SLC25A1: variants seen among roughly 807,000 people sequenced by gnomAD.
SLC25A1 encodes the protein solute carrier family 25 member 1.
In SLC25A1, 26 loss-of-function variants were observed where a neutral mutation model predicts 38.1. The observed-to-expected ratio is 0.68, with a 90% CI of 0.50 to 0.95. SLC25A1 has a LOEUF of 0.95. Among genes scored for constraint, SLC25A1 ranks in the 40% least tolerant of loss-of-function variants. The pLI, the probability that SLC25A1 is intolerant of heterozygous loss-of-function variation, is 0.00. For missense variants in SLC25A1, 378 were observed against 426.6 expected (o/e 0.89, Z 1.00); for synonymous variants, 211 against 183.2 (o/e 1.15, Z -1.23).
At chr22:19,177,505 TTTTAAAGACTTTA>T (rs2083979096) in intron 4 of SLC25A1, among the ~76,000 whole-genome samples, 1 of 152,230 alleles carries the variant, frequency 6.6e-6, no homozygotes, top group African/African-American at 2.4e-5. Context: ...TAAAAGTATT[TTTTAAAGACTTTA>T]AGGCTGCCTT....
Position 19,176,257 on chromosome 22 carries a change from A to C in SLC25A1, c.822-13T>G, listed in dbSNP as rs1386039617. On this transcript the variant is annotated splice_polypyrimidine_tract_variant and intron_variant, in intron 8 of 8. Coordinates refer to ENST00000215882, the MANE Select transcript of SLC25A1 (RefSeq NM_005984.5). ...GCCCTTGTAGAATCTGGGTGGGAGG[A>C]GGGGCGGGGAGAGGAAGGCAGGTCA... 7.1e-7 allele frequency: 1 copy of C among 1,416,008 alleles called. No homozygotes were observed. The highest frequency in any genetic ancestry group is 1.1e-5 in the South Asian group (1 of 87,142). 87.7% of individuals were successfully genotyped at this position (1,416,008 alleles called of 1,614,324 possible). A position where few individuals can be genotyped will look rare whatever the true frequency, so the allele number is the denominator to read the frequency against.
In SLC25A1 at chr22:19,176,112, C is replaced by T; in HGVS notation, c.*18G>A. On this transcript the variant is annotated 3_prime_UTR_variant, in exon 9 of 9. Transcript: ENST00000215882. ...CTCTGGCGGTGCCTGGGGCGGTCCC[C>T]TTGCGGCCTCTCTAGGCTTAGTCCG... 6.2e-7 allele frequency: 1 copy of T among 1,607,210 alleles called. No individual in the cohort carries two copies. The highest frequency in any genetic ancestry group is 8.5e-7 in the Non-Finnish European group (1 of 1,174,406).
chr22:19,176,960 G>A lies in SLC25A1; in HGVS notation c.527-10C>T, dbSNP rs1241606660. Reference sequence around the variant, plus strand: ...TACGTCCCCTTCAGCCCTGCGGGAAGGCAGGCACGGGGTTACCCTGCAGCC... The same window carrying A: ...TACGTCCCCTTCAGCCCTGCGGGAAAGCAGGCACGGGGTTACCCTGCAGCC... On this transcript the variant is annotated splice_polypyrimidine_tract_variant and intron_variant, in intron 5 of 8. Coordinates refer to ENST00000215882, the MANE Select transcript of SLC25A1 (RefSeq NM_005984.5). 2 of 1,613,046 alleles carry A rather than the reference G, an allele frequency of 1.2e-6. No individual in the cohort carries two copies. The highest frequency in any genetic ancestry group is 3.3e-5 in the Admixed American group (2 of 59,996).
Position 19,177,822 on chromosome 22 carries a change from G to A in SLC25A1, c.346C>T (p.Gln116Ter). The change falls in exon 4 of 9, where the codon CAG becomes TAG. Residue 116 changes from glutamine (Q) to a stop codon, truncating the protein, a stop_gained. Transcript: ENST00000215882. LOFTEE classifies it high-confidence loss of function. ...EFLSNHMRDA[Q>*]GRLDSTRGLL... ...CCACGCGTGCTGTCCAGCCGTCCCT[G>A]GGCATCCCGCATGTGGTTGCTGAGG... 6.2e-7 allele frequency: 1 copy of A among 1,610,802 alleles called. No individual in the cohort carries two copies. Among genetic ancestry groups the A allele is most frequent in the Non-Finnish European group, 8.5e-7 (1 of 1,179,220 alleles).
chr22:19,178,231 GC>G lies in SLC25A1; in HGVS notation c.103del (p.Ala35ArgfsTer15). On this transcript the variant is annotated frameshift_variant, in exon 2 of 9. Transcript: ENST00000215882. LOFTEE classifies it high-confidence loss of function. This position sits in a 1 kb window ranked among gnomAD's most constrained non-coding sequence, Gnocchi z 4.9. Reference sequence around the variant, plus strand: ...GGTGATGCAGATCTCGATGCCACCCGCCAGGCCGCCTGCAGGGACCGGGAAC... The same window carrying G: ...GGTGATGCAGATCTCGATGCCACCCGCAGGCCGCCTGCAGGGACCGGGAAC... ...PGKAILAGGL[A>X]GGIEICITFP... 1 of 1,547,072 alleles carries G rather than the reference GC, an allele frequency of 6.5e-7. No individual in the cohort carries two copies. The highest frequency in any genetic ancestry group is 8.7e-7 in the Non-Finnish European group (1 of 1,146,080).
Position 19,178,047 on chromosome 22 carries a change from G to A in SLC25A1, c.203-6C>T, listed in dbSNP as rs1555923201. 2 of 1,580,716 alleles carry A rather than the reference G, an allele frequency of 1.3e-6. No homozygotes were observed. The highest frequency in any genetic ancestry group is 8.6e-7 in the Non-Finnish European group (1 of 1,165,928). On this transcript the variant is annotated splice_region_variant and splice_polypyrimidine_tract_variant and intron_variant, in intron 2 of 8. Transcript: ENST00000215882. This position sits in a 1 kb window ranked among gnomAD's most constrained non-coding sequence, Gnocchi z 4.9. Reference sequence around the variant, plus strand: ...CGTCTGCCGCACGCAGTCCCCTGGGGGAGGGGGCGGTCAGGACCCCACGGC... The same window carrying A: ...CGTCTGCCGCACGCAGTCCCCTGGGAGAGGGGGCGGTCAGGACCCCACGGC...
intron 4 of SLC25A1, among the ~76,000 whole-genome samples, chr22:19,177,454 C>T (rs968775995): frequency 6.6e-6 from 1 of 152,220 alleles, no homozygotes; most frequent in Non-Finnish European, 1.5e-5. Flanking sequence ...CTGCTCTTTT[C>T]CAGTTTTGGC....
rs1186012076 is a variant in SLC25A1 at position 19,176,027 on chromosome 22, C to T, written c.*103G>A. 18 of 887,966 alleles carry T rather than the reference C, an allele frequency of 2.0e-5. No homozygotes were observed. Among genetic ancestry groups the T allele is most frequent in the East Asian group, 4.9e-5 (2 of 40,926 alleles). The allele number at this position is 887,966 out of a possible 1,614,324, so 55.0% of individuals were successfully genotyped here. A position where few individuals can be genotyped will look rare whatever the true frequency, so the allele number is the denominator to read the frequency against. The stretch of plus-strand genomic sequence containing the variant: ...AGACCAGGCTACAGAGCTCGAGGGA[C>T]GTGGGAAGGGGCCTTTTGGCACTAC... On this transcript the variant is annotated 3_prime_UTR_variant, in exon 9 of 9. Transcript: ENST00000215882.
In SLC25A1 at chr22:19,178,478, T is replaced by G. The variant is rs1317023047; in HGVS notation, c.94+102A>C. The G allele has an allele frequency of 3.0e-6, 4 of 1,337,740 alleles. No homozygotes were observed. The highest frequency in any genetic ancestry group is 1.6e-5 in the African/African-American group (1 of 64,112). The allele number at this position is 1,337,740 out of a possible 1,614,324, so 82.9% of individuals were successfully genotyped here. On this transcript the variant is annotated intron_variant, in intron 1 of 8. Transcript: ENST00000215882. This position sits in a 1 kb window ranked among gnomAD's most constrained non-coding sequence, Gnocchi z 4.9. ...GGGACCAGGACCGCGCCTCCACGAC[T>G]CCCCAGCCCACGGCCCAACCCGGAA...
Position 19,178,412 on chromosome 22 carries a change from G to A in SLC25A1, c.94+168C>T. 3.6e-6 allele frequency: 5 copies of A among 1,383,924 alleles called. No individual in the cohort carries two copies. The South Asian group carries it at 8.3e-5, about 23-fold the overall frequency. The allele number at this position is 1,383,924 out of a possible 1,614,324, so 85.7% of individuals were successfully genotyped here. A position where few individuals can be genotyped will look rare whatever the true frequency, so the allele number is the denominator to read the frequency against. On this transcript the variant is annotated intron_variant, in intron 1 of 8. Transcript: ENST00000215882. The surrounding 1 kb of genome is among the most constrained non-coding windows in gnomAD (Gnocchi z 4.9). ...CCCGTTGTCCCGGCGAGGCGCAGGG[G>A]GTGACAGACGGGAGGCGGGCGAGTC... is the stretch of plus-strand genomic sequence containing the variant.
Position 19,178,111 on chromosome 22 carries a change from G to C in SLC25A1, c.202+22C>G. ...GCCCTGGGTACCCGCCCCCCGCGGCGCCGCGGCCTCCCCCTCCTCACCGAT... is the reference window on the plus strand; with the variant it reads ...GCCCTGGGTACCCGCCCCCCGCGGCCCCGCGGCCTCCCCCTCCTCACCGAT... On this transcript the variant is annotated intron_variant, in intron 2 of 8. Transcript: ENST00000215882. The surrounding 1 kb of genome is among the most constrained non-coding windows in gnomAD (Gnocchi z 4.9). 6.5e-7 allele frequency: 1 copy of C among 1,532,788 alleles called. No individual in the cohort carries two copies. The highest frequency in any genetic ancestry group is 8.8e-7 in the Non-Finnish European group (1 of 1,140,056). 94.9% of individuals were successfully genotyped at this position (1,532,788 alleles called of 1,614,324 possible). A position where few individuals can be genotyped will look rare whatever the true frequency, so the allele number is the denominator to read the frequency against.
intron 8 of SLC25A1, 84 bp from the exon 9 acceptor site, chr22:19,176,328 G>C: frequency 6.4e-7 from 1 of 1,556,038 alleles, no homozygotes; most frequent in Non-Finnish European, 8.9e-7. Context: ...TGAAGTGAGA[G>C]GCACAGAGGC....
At position 19,178,507 on chromosome 22, in the gene SLC25A1, G is replaced by A; in HGVS notation, c.94+73C>T. ...CAGCCCACGGCCCAACCCGGAAGTG[G>A]GGCGGGGCCTCAGCGTCCCGGGCCC... On this transcript the variant is annotated intron_variant, in intron 1 of 8. Transcript: ENST00000215882. This position sits in a 1 kb window ranked among gnomAD's most constrained non-coding sequence, Gnocchi z 4.9. 1.5e-6 allele frequency: 2 copies of A among 1,315,194 alleles called. No individual in the cohort carries two copies. The highest frequency in any genetic ancestry group is 4.2e-5 in the Admixed American group (1 of 24,000). 81.5% of individuals were successfully genotyped at this position (1,315,194 alleles called of 1,614,324 possible).
Position 19,177,130 on chromosome 22 carries a change from C to T in SLC25A1, c.516G>A (p.Val172=), listed in dbSNP as rs1555922620. 3.7e-6 allele frequency: 6 copies of T among 1,613,984 alleles called. No individual in the cohort carries two copies. Among genetic ancestry groups the T allele is most frequent in the Non-Finnish European group, 5.1e-6 (6 of 1,179,898 alleles). The change falls in exon 5 of 9, where the codon GTG becomes GTA. Residue 172 remains valine, a synonymous_variant. Transcript: ENST00000215882. ...GGTCGAGTGGCTCACCTTGTTCCCG[C>T]ACAATCTCCCTAACCCCGTGGAAGA... is the stretch of plus-strand genomic sequence containing the variant. ...RGFFHGVREI[V]REQGLKGTYQ...
chr22:19,177,388 G>A (rs918578443), intron 4 of SLC25A1, among the ~76,000 whole-genome samples, 184 bp from the exon 5 acceptor site: 1 of 150,758 alleles, frequency 6.6e-6, no homozygotes, highest in Admixed American at 6.6e-5. Flanking sequence ...CAGCCCACAC[G>A]GACCATGCTC....
rs1555923345 is a variant in SLC25A1, at chr22:19,178,258, C to T, written c.95-18G>A. The T allele has an allele frequency of 6.5e-7, 1 of 1,544,052 alleles. No individual in the cohort carries two copies. The highest frequency in any genetic ancestry group is 8.7e-7 in the Non-Finnish European group (1 of 1,144,410). On this transcript the variant is annotated intron_variant, in intron 1 of 8. Coordinates refer to ENST00000215882, the MANE Select transcript of SLC25A1 (RefSeq NM_005984.5). This position sits in a 1 kb window ranked among gnomAD's most constrained non-coding sequence, Gnocchi z 4.9. Reference sequence around the variant, plus strand: ...CAGGCCGCCTGCAGGGACCGGGAACCCGCTCCTGAGACTCCCGCCCGGCCG... The same window carrying T: ...CAGGCCGCCTGCAGGGACCGGGAACTCGCTCCTGAGACTCCCGCCCGGCCG...
intron 4 of SLC25A1, 31 bp from the exon 5 acceptor site, chr22:19,177,235 C>T (rs1458135756): frequency 5.7e-6 from 9 of 1,591,926 alleles, no homozygotes; most frequent in East Asian, 4.5e-5. Context: ...CGCAGGTTCT[C>T]GGCTGCCACC....
At position 19,177,818 on chromosome 22, in the gene SLC25A1, C is replaced by T; in HGVS notation, c.350G>A (p.Gly117Glu). The change falls in exon 4 of 9, where the codon GGA becomes GAA. Residue 117 changes from glycine to glutamate, a missense_variant. Transcript: ENST00000215882. ...CAGCCCACGCGTGCTGTCCAGCCGTCCCTGGGCATCCCGCATGTGGTTGCT... is the reference window on the plus strand; with the variant it reads ...CAGCCCACGCGTGCTGTCCAGCCGTTCCTGGGCATCCCGCATGTGGTTGCT... The part of the protein sequence containing the change: ...FLSNHMRDAQ[G>E]RLDSTRGLLC... 6.2e-7 allele frequency: 1 copy of T among 1,610,800 alleles called. No homozygotes were observed. Among genetic ancestry groups the T allele is most frequent in the Non-Finnish European group, 8.5e-7 (1 of 1,179,222 alleles).
At chr22:19,176,765 T>G (rs1316393918) in intron 6 of SLC25A1, 72 bp from the exon 7 acceptor site, 1 of 1,592,336 alleles carries the variant, frequency 6.3e-7, no homozygotes, top group Non-Finnish European at 8.6e-7. Flanking sequence ...AAAAGGTGGG[T>G]GCCCGCCACC....
Sources: gnomAD v4.1 joint callset for allele counts (sites outside exome capture counted in the v4.1 genomes callset) on GRCh38, gnomAD v4.1.1 for gene constraint, Gnocchi (gnomAD v3.1) non-coding constraint, MANE v1.5 for transcripts, NCBI Gene and HGNC (gene_info 2026-07-23, HGNC 2026-07-21) for gene names.